Variants in CAPZB observed in about 807,000 individuals in gnomAD.
CAPZB encodes F-actin-capping protein subunit beta.
Under a neutral mutation model 38.1 loss-of-function variants are expected in CAPZB, and 2 were observed. That is an observed-to-expected ratio of 0.05 (90% confidence interval 0.02 to 0.17). The LOEUF is 0.17. Among genes scored for constraint, CAPZB ranks in the 10% least tolerant of loss-of-function variants. The pLI is 1.00. For synonymous variants in CAPZB, 107 were observed against 127.4 expected (o/e 0.84, Z 1.08); for missense variants, 161 against 334.2 (o/e 0.48, Z 4.04).
intron 1 of CAPZB, among the ~76,000 whole-genome samples, chr1:19,462,670 T>C (rs554201543): frequency 2.3e-4 from 35 of 152,302 alleles, no homozygotes; most frequent in African/African-American, 7.9e-4. Flanking sequence ...ATTCACCTAA[T>C]GTGCTTCAAA....
At chr1:19,368,276 G>C (rs932317781) in intron 4 of CAPZB, among the ~76,000 whole-genome samples, 1 of 152,010 alleles carries the variant, frequency 6.6e-6, no homozygotes, top group East Asian at 1.9e-4. Context: ...GAGCGCAGGC[G>C]GACAGAACAG....
chr1:19,367,037 C>T (rs893013766), intron 4 of CAPZB, among the ~76,000 whole-genome samples: 6 of 152,208 alleles, frequency 3.9e-5, no homozygotes, highest in East Asian at 1.9e-4. Context: ...TGTAGACCAA[C>T]GTTCCTTTTT....
At chr1:19,448,352 T>C (rs1472616230) in intron 1 of CAPZB, among the ~76,000 whole-genome samples, 1 of 152,134 alleles carries the variant, frequency 6.6e-6, no homozygotes, top group Non-Finnish European at 1.5e-5. Context: ...CGGGAGAGCA[T>C]TTGATTAATA....
intron 2 of CAPZB, among the ~76,000 whole-genome samples, chr1:19,403,943 G>A (rs370633993): frequency 6.6e-6 from 1 of 152,090 alleles, no homozygotes; most frequent in African/African-American, 2.4e-5. Context: ...CCTACTTAAC[G>A]CCTGCAGCAT....
rs536925574 is a variant in CAPZB, at chr1:19,339,635, C to T, written c.732-18G>A. ...GCACAGACCTGCAAGGGAGGAAAGGCGTTATCAGCAGATTGAACAGGGACT... is the reference window on the plus strand; with the variant it reads ...GCACAGACCTGCAAGGGAGGAAAGGTGTTATCAGCAGATTGAACAGGGACT... On this transcript the variant is annotated intron_variant, in intron 8 of 8. Coordinates refer to ENST00000264202, the MANE Select transcript of CAPZB (RefSeq NM_004930.5). The T allele has an allele frequency of 5.3e-5, 85 of 1,589,720 alleles. 1 individual carries two copies. In the South Asian group the frequency reaches 8.7e-4, roughly 16 times the overall value.
rs536091412 is a variant in CAPZB, at chr1:19,357,582, T to C, written c.330-19A>G. 233 of 1,613,748 alleles carry C rather than the reference T, an allele frequency of 1.4e-4. No individual in the cohort carries two copies. In the South Asian group the frequency reaches 2.4e-3, roughly 17 times the overall value. Reference sequence around the variant, plus strand: ...AAAATACCTGCAGGAAACAGGCCAATGTGCCTGTTAGATGCTAAAGGACAG... The same window carrying C: ...AAAATACCTGCAGGAAACAGGCCAACGTGCCTGTTAGATGCTAAAGGACAG... On this transcript the variant is annotated intron_variant, in intron 4 of 8. Transcript: ENST00000264202. This position sits in a 1 kb window ranked among gnomAD's most constrained non-coding sequence, Gnocchi z 4.3.
At chr1:19,474,755 C>T (rs375235084) in intron 1 of CAPZB, among the ~76,000 whole-genome samples, 1 of 152,064 alleles carries the variant, frequency 6.6e-6, no homozygotes, top group African/African-American at 2.4e-5. Flanking sequence ...GTGCGGGTGA[C>T]GAGGAGCATC....
chr1:19,363,098 T>C (rs2094062500), intron 4 of CAPZB, among the ~76,000 whole-genome samples: 1 of 152,048 alleles, frequency 6.6e-6, no homozygotes, highest in African/African-American at 2.4e-5. Context: ...GTTTTGTTTT[T>C]TGAGACAGGG....
intron 1 of CAPZB, among the ~76,000 whole-genome samples, chr1:19,431,734 T>TA (rs1030756311): frequency 1.2e-5 from 1 of 80,324 alleles, no homozygotes; most frequent in East Asian, 3.6e-4. Flanking sequence ...AAATAAAAAA[T>TA]AAAAAATAAA....
intron 2 of CAPZB, among the ~76,000 whole-genome samples, chr1:19,391,322 T>C (rs567113963): frequency 1.3e-5 from 2 of 152,244 alleles, no homozygotes; most frequent in East Asian, 3.9e-4. Flanking sequence ...ACGGCGCCCT[T>C]GTCTTTAAGA....
intron 4 of CAPZB, among the ~76,000 whole-genome samples, chr1:19,360,468 T>C (rs977176282): frequency 1.3e-5 from 2 of 152,236 alleles, no homozygotes; most frequent in Non-Finnish European, 2.9e-5. Context: ...CATGCAGAGC[T>C]GCGGTGCTGT....
chr1:19,411,904 G>T (rs2094358379), intron 2 of CAPZB, among the ~76,000 whole-genome samples: 1 of 152,162 alleles, frequency 6.6e-6, no homozygotes, highest in South Asian at 2.1e-4. Flanking sequence ...GTTGATAACA[G>T]GCCGGGGTCA....
intron 6 of CAPZB, among the ~76,000 whole-genome samples, chr1:19,348,171 A>G (rs997717699): frequency 3.0e-4 from 45 of 152,218 alleles, no homozygotes; most frequent in African/African-American, 1.0e-3. Context: ...TGCAGCTGCC[A>G]GTTTCCATTG....
intron 4 of CAPZB, among the ~76,000 whole-genome samples, chr1:19,359,529 G>A (rs214301): frequency 0.33 from 50,528 of 152,040 alleles, 9,282 homozygotes; most frequent in East Asian, 0.56. Flanking sequence ...TCCCCTCTCC[G>A]GCACTACCCA....
intron 2 of CAPZB, among the ~76,000 whole-genome samples, chr1:19,412,570 A>AC (rs1390179555): frequency 6.6e-6 from 1 of 152,180 alleles, no homozygotes; most frequent in African/African-American, 2.4e-5. Context: ...GATGAATGCC[A>AC]CATTTCCAGA....
chr1:19,438,856 T>C (rs2094466702), intron 1 of CAPZB, among the ~76,000 whole-genome samples: 1 of 152,224 alleles, frequency 6.6e-6, no homozygotes, highest in South Asian at 2.1e-4. Flanking sequence ...CAGAGATCAT[T>C]AGGAACGGTC....
intron 1 of CAPZB, among the ~76,000 whole-genome samples, chr1:19,469,615 C>T (rs775618141): frequency 6.6e-6 from 1 of 151,886 alleles, no homozygotes; most frequent in Non-Finnish European, 1.5e-5. Flanking sequence ...AGGCGGCGGC[C>T]ACGGAGAGAG....
chr1:19,398,610 T>C (rs778270775), intron 2 of CAPZB, among the ~76,000 whole-genome samples: 2 of 151,910 alleles, frequency 1.3e-5, no homozygotes, highest in Non-Finnish European at 2.9e-5. Flanking sequence ...CTGGCCACAA[T>C]GTTTCACACT....
intron 1 of CAPZB, among the ~76,000 whole-genome samples, chr1:19,428,061 T>C (rs1261448974): frequency 6.6e-6 from 1 of 152,234 alleles, no homozygotes; most frequent in African/African-American, 2.4e-5. Flanking sequence ...ATGGGTGACC[T>C]GTTGTTATAT....
Sources: allele counts gnomAD v4.1 joint callset (sites outside exome capture counted in the v4.1 genomes callset), GRCh38; gene constraint gnomAD v4.1.1; non-coding constraint Gnocchi (gnomAD v3.1); transcripts MANE v1.5; gene names NCBI Gene and HGNC (gene_info 2026-07-23, HGNC 2026-07-21).